The following MYCT1 variants were observed in gnomAD, a reference collection of about 807,000 sequenced individuals.
MYCT1 encodes the protein MYC target 1, also known as myc target protein 1.
A neutral mutation model predicts 15.0 loss-of-function variants in MYCT1; 12 were observed. That is an observed-to-expected ratio of 0.80 (90% CI 0.51 to 1.29). The LOEUF (loss-of-function observed/expected upper bound fraction) is 1.29. MYCT1 is among the 50% of genes most tolerant of loss of function. MYCT1 has a pLI of 0.00. For missense variants in MYCT1, 287 were observed against 279.1 expected (o/e 1.03, Z -0.20); for synonymous variants, 104 against 102.7 (o/e 1.01, Z -0.07).
At chr6:152,702,145 G>A (rs141515220) in intron 1 of MYCT1, among the ~76,000 whole-genome samples, 9 of 152,200 alleles carry the variant, frequency 5.9e-5, no homozygotes, top group Middle Eastern at 3.4e-3. Flanking sequence ...CTTACAGGTC[G>A]TATTCTATAT....
the MYCT1 span, among the ~76,000 whole-genome samples, chr6:152,737,090 A>G: frequency 6.6e-6 from 1 of 151,592 alleles, no homozygotes; most frequent in Non-Finnish European, 1.5e-5. Context: ...TTACAAAAGA[A>G]AGAGTTGAAT....
In MYCT1 at chr6:152,697,958, T is replaced by C. The variant is rs753728807; in HGVS notation, c.56T>C (p.Leu19Pro). 1.2e-6 allele frequency: 2 copies of C among 1,604,568 alleles called. No individual in the cohort carries two copies. The highest frequency in any genetic ancestry group is 1.1e-5 in the South Asian group (1 of 88,878). Residue 19 changes from leucine to proline, a missense_variant, in exon 1 of 2, where the codon CTA becomes CCA. Leu to Pro is a moderately conservative substitution (Grantham distance 98). Transcript: ENST00000367245. ...LCKNYFSLAV[L>P]QRDRIKLLFF... ...AAAAATTATTTTTCTCTTGCTGTACTACAAAGAGATAGAATCAAACTGCTT... is the reference window on the plus strand; with the variant it reads ...AAAAATTATTTTTCTCTTGCTGTACCACAAAGAGATAGAATCAAACTGCTT...
At chr6:152,717,175 A>G (rs1583973825) in intron 1 of MYCT1, among the ~76,000 whole-genome samples, 1 of 91,802 alleles carries the variant, frequency 1.1e-5, no homozygotes, top group African/African-American at 2.9e-5. Context: ...TAATTAAATG[A>G]AAAAAAAATG....
the MYCT1 span, among the ~76,000 whole-genome samples, chr6:152,744,353 T>A: frequency 7.2e-5 from 11 of 152,144 alleles, no homozygotes; most frequent in Admixed American, 6.5e-4. Flanking sequence ...TTTTAAAACA[T>A]GCAGGCCTTC....
intron 1 of MYCT1, among the ~76,000 whole-genome samples, chr6:152,718,107 CCA>C (rs1375822229): frequency 6.6e-6 from 1 of 152,028 alleles, no homozygotes; most frequent in African/African-American, 2.4e-5. Context: ...TATTACCAAG[CCA>C]CAGAGAATGA....
chr6:152,718,855 A>G (rs967885869), intron 1 of MYCT1, among the ~76,000 whole-genome samples: 4 of 152,052 alleles, frequency 2.6e-5, no homozygotes, highest in African/African-American at 9.7e-5. Context: ...ATGCCTGCTT[A>G]TATACTGAGA....
At position 152,722,746 on chromosome 6, in the gene MYCT1, T is replaced by C. The variant is rs1406783299; in HGVS notation, c.*493T>C. ...TTTTACAATCTTAGATTTTTCTTTT[T>C]TTTTCTTTTGAGACAGGGTCTTGAT... On this transcript the variant is annotated 3_prime_UTR_variant, in exon 2 of 2. Coordinates refer to ENST00000367245, the MANE Select transcript of MYCT1 (RefSeq NM_025107.3). The C allele has an allele frequency of 2.4e-6, 1 of 412,972 alleles. No individual in the cohort carries two copies. The allele number at this position is 412,972 out of a possible 1,614,324, so 25.6% of individuals were successfully genotyped here. A position where few individuals can be genotyped will look rare whatever the true frequency, so the allele number is the denominator to read the frequency against.
chr6:152,698,656 G>A (rs1212114118), intron 1 of MYCT1, among the ~76,000 whole-genome samples: 1 of 152,112 alleles, frequency 6.6e-6, no homozygotes, highest in Non-Finnish European at 1.5e-5. Flanking sequence ...TAAAATAAAT[G>A]AATGACTTTA....
In MYCT1 at chr6:152,697,956, AC is replaced by A; in HGVS notation, c.55del (p.Leu19TyrfsTer38). ...GTAAAAATTATTTTTCTCTTGCTGTACTACAAAGAGATAGAATCAAACTGCT... is the reference window on the plus strand; with the variant it reads ...GTAAAAATTATTTTTCTCTTGCTGTATACAAAGAGATAGAATCAAACTGCT... Reference protein sequence around the residue: ...LCKNYFSLAVLQRDRIKLLFF... With the variant: ...LCKNYFSLAVXQRDRIKLLFF... On this transcript the variant is annotated frameshift_variant, in exon 1 of 2. Transcript: ENST00000367245. LOFTEE classifies it high-confidence loss of function. 6.2e-7 allele frequency: 1 copy of A among 1,604,630 alleles called. No individual in the cohort carries two copies. The highest frequency in any genetic ancestry group is 8.5e-7 in the Non-Finnish European group (1 of 1,177,178).
chr6:152,726,011 C>T (rs115803354), downstream of MYCT1, among the ~76,000 whole-genome samples: 912 of 152,300 alleles, frequency 6.0e-3, 6 homozygotes, highest in African/African-American at 0.021. Flanking sequence ...AAAATGGCTG[C>T]AGTATCTTTT....
At chr6:152,708,017 T>TG (rs1362884521) in intron 1 of MYCT1, among the ~76,000 whole-genome samples, 1 of 151,978 alleles carries the variant, frequency 6.6e-6, no homozygotes, top group Non-Finnish European at 1.5e-5. Context: ...ACAAACAGCC[T>TG]GTTTATTGGA....
At chr6:152,714,107 T>C (rs2099723204) in intron 1 of MYCT1, among the ~76,000 whole-genome samples, 1 of 152,044 alleles carries the variant, frequency 6.6e-6, no homozygotes, top group African/African-American at 2.4e-5. Context: ...CTGTATCTGT[T>C]CTAATGTCAC....
intron 1 of MYCT1, among the ~76,000 whole-genome samples, chr6:152,720,493 A>G (rs113465374): frequency 1.8e-4 from 27 of 152,236 alleles, no homozygotes; most frequent in Admixed American, 5.9e-4. Flanking sequence ...CTCAATACAG[A>G]CTACCTACAT....
chr6:152,721,982 G>T lies in MYCT1; in HGVS notation c.437G>T (p.Arg146Leu). ...NLSLASLTFQ[R>L]QASLEQANSF... ...AGCCTGGCCAGTCTCACCTTCCAGC[G>T]ACAAGCTTCCCTGGAACAAGCAAAT... is the stretch of plus-strand genomic sequence containing the variant. Residue 146 changes from arginine (R) to leucine (L), a missense_variant, in exon 2 of 2, where the codon CGA becomes CTA. Transcript: ENST00000367245. 1.2e-6 allele frequency: 2 copies of T among 1,614,128 alleles called. No homozygotes were observed. Among genetic ancestry groups the T allele is most frequent in the Non-Finnish European group, 1.7e-6 (2 of 1,180,022 alleles).
chr6:152,733,430 C>T, the MYCT1 span, among the ~76,000 whole-genome samples: 2 of 152,176 alleles, frequency 1.3e-5, no homozygotes, highest in Non-Finnish European at 2.9e-5. Flanking sequence ...ACATTTTTTG[C>T]TCAGCCTCTT....
intron 1 of MYCT1, among the ~76,000 whole-genome samples, chr6:152,708,147 C>T (rs898825703): frequency 6.6e-6 from 1 of 151,586 alleles, no homozygotes; most frequent in East Asian, 1.9e-4. Context: ...CTTTTTAGAC[C>T]TTTAATTTAT....
At chr6:152,716,452 TG>T (rs2099723705) in intron 1 of MYCT1, among the ~76,000 whole-genome samples, 1 of 152,196 alleles carries the variant, frequency 6.6e-6, no homozygotes, top group Admixed American at 6.6e-5. Context: ...TGTTACATTC[TG>T]CCATCACTGA....
At chr6:152,714,870 C>T (rs1014148161) in intron 1 of MYCT1, among the ~76,000 whole-genome samples, 1 of 151,606 alleles carries the variant, frequency 6.6e-6, no homozygotes, top group African/African-American at 2.4e-5. Flanking sequence ...ATGTATAAAA[C>T]TTTCCTTCTG....
At chr6:152,702,260 T>C (rs942448649) in intron 1 of MYCT1, among the ~76,000 whole-genome samples, 1 of 152,220 alleles carries the variant, frequency 6.6e-6, no homozygotes, top group Admixed American at 6.5e-5. Context: ...TAAAAAGTTA[T>C]GTTCTTAAGT....
Sources: allele counts gnomAD v4.1 joint callset (sites outside exome capture counted in the v4.1 genomes callset), GRCh38; gene constraint gnomAD v4.1.1; transcripts MANE v1.5; gene names NCBI Gene and HGNC (gene_info 2026-07-23, HGNC 2026-07-21).